Variants in FANCC observed in about 807,000 individuals in gnomAD.
The protein encoded by FANCC is Fanconi anemia group C protein.
Under a neutral mutation model 71.3 loss-of-function variants are expected in FANCC, and 55 were observed. That is an observed-to-expected ratio of 0.77 (90% confidence interval 0.62 to 0.97). FANCC has a LOEUF of 0.97. Ranked by LOEUF, FANCC falls within the 50% of genes least tolerant of loss-of-function variation. The pLI, the probability that FANCC is intolerant of heterozygous loss-of-function variation, is 0.00. For synonymous variants in FANCC, 275 were observed against 244.9 expected, an observed-to-expected ratio of 1.12 and a Z score of -1.15; for missense variants, 678 against 670.9, an observed-to-expected ratio of 1.01 and a Z score of -0.12.
chr9:95,107,673 C>A (rs1588032077), intron 13 of FANCC, among the ~76,000 whole-genome samples: 1 of 152,172 alleles, frequency 6.6e-6, no homozygotes, highest in African/African-American at 2.4e-5. Flanking sequence ...AGCCAGTGTT[C>A]CCATACGAAT....
chr9:95,234,330 T>C lies in FANCC; in HGVS notation c.345+6319A>G, dbSNP rs569617496. Among the ~76,000 whole-genome samples, 14 of 152,362 alleles carry C rather than the reference T, an allele frequency of 9.2e-5. No homozygotes were observed. In the East Asian group the frequency reaches 2.7e-3, roughly 29 times the overall value. On this transcript the variant is annotated intron_variant, in intron 4 of 14. Coordinates refer to ENST00000289081, the MANE Select transcript of FANCC (RefSeq NM_000136.3). ...CAAAAATTTATGCCGTGCCAGGTAC[T>C]GTTCAATTTGCTAATAGTAAACAAA... is the stretch of plus-strand genomic sequence containing the variant.
intron 12 of FANCC, 109 bp from the exon 13 acceptor site, chr9:95,111,746 C>T: frequency 8.1e-7 from 1 of 1,229,078 alleles, no homozygotes; most frequent in Non-Finnish European, 1.2e-6. Context: ...TGTACTTATC[C>T]ACTGAAGTGC....
intron 4 of FANCC, 127 bp downstream of exon 4, chr9:95,240,522 G>T: frequency 1.5e-6 from 1 of 676,030 alleles, no homozygotes; most frequent in Admixed American, 2.5e-5. Flanking sequence ...ACAGTGAAGG[G>T]TATGTTTGAA....
Position 95,226,540 on chromosome 9 carries a change from G to A in FANCC, c.345+14109C>T, listed in dbSNP as rs375421063. ...CAGACAGGAGTGAGGGCAGCTGCTG[G>A]GATGCGCTGTCTCCTGCTCCTCCCT... On this transcript the variant is annotated intron_variant, in intron 4 of 14. Transcript: ENST00000289081. Among the ~76,000 whole-genome samples, 5 of 152,266 alleles carry A rather than the reference G, an allele frequency of 3.3e-5. No individual in the cohort carries two copies. The East Asian group carries it at 7.7e-4, about 24-fold the overall frequency.
chr9:95,311,559 A>T (rs981320113), intron 1 of FANCC, among the ~76,000 whole-genome samples: 7 of 151,594 alleles, frequency 4.6e-5, no homozygotes, highest in Admixed American at 3.9e-4. Context: ...TTATTTATTT[A>T]TTTTTTTCCC....
At chr9:95,125,521 G>T (rs1825841933) in intron 9 of FANCC, among the ~76,000 whole-genome samples, 1 of 152,128 alleles carries the variant, frequency 6.6e-6, no homozygotes, top group Admixed American at 6.5e-5. Flanking sequence ...TTCACAAGTG[G>T]AGACGAAGCT....
intron 1 of FANCC, chr9:95,292,783 C>T: frequency 1.3e-6 from 2 of 1,528,206 alleles, no homozygotes; most frequent in Non-Finnish European, 9.1e-7. Context: ...TCTCAGTTTT[C>T]TCTCGTAAAA....
chr9:95,143,285 G>T (rs1413045852), intron 7 of FANCC, among the ~76,000 whole-genome samples: 1 of 152,148 alleles, frequency 6.6e-6, no homozygotes, highest in Non-Finnish European at 1.5e-5. Flanking sequence ...CACCAATCTG[G>T]AAGCTATTTG....
chr9:95,305,558 AT>A (rs958528507), intron 1 of FANCC, among the ~76,000 whole-genome samples: 1 of 152,208 alleles, frequency 6.6e-6, no homozygotes, highest in Non-Finnish European at 1.5e-5. Flanking sequence ...AACAGCAACT[AT>A]TTTTAGCATC....
At chr9:95,302,129 T>C (rs1195665651) in intron 1 of FANCC, among the ~76,000 whole-genome samples, 1 of 151,410 alleles carries the variant, frequency 6.6e-6, no homozygotes, top group East Asian at 1.9e-4. Flanking sequence ...AAAGATCTTC[T>C]AAATCATTCA....
intron 12 of FANCC, chr9:95,113,987 CTGAG>C (rs1237305474): frequency 6.3e-6 from 1 of 158,580 alleles, no homozygotes; most frequent in Non-Finnish European, 1.4e-5. Flanking sequence ...ACTCAGGAGT[CTGAG>C]TGGGAGGATC....
chr9:95,243,347 T>C (rs2136065226), intron 3 of FANCC, among the ~76,000 whole-genome samples: 1 of 152,340 alleles, frequency 6.6e-6, no homozygotes, highest in East Asian at 1.9e-4. Flanking sequence ...TTATTATCTA[T>C]TTTGTCTCTT....
chr9:95,116,400 C>A (rs549002279), intron 11 of FANCC, among the ~76,000 whole-genome samples: 1 of 152,348 alleles, frequency 6.6e-6, no homozygotes, highest in East Asian at 1.9e-4. Context: ...TGGGCAAGAA[C>A]CTACATCTTC....
chr9:95,255,215 A>C (rs1311122203), intron 1 of FANCC, among the ~76,000 whole-genome samples: 1 of 152,184 alleles, frequency 6.6e-6, no homozygotes, highest in African/African-American at 2.4e-5. Context: ...GCTAAGGGAA[A>C]GACTGCCTCC....
At chr9:95,246,046 G>A (rs4647423) in intron 3 of FANCC, among the ~76,000 whole-genome samples, 1,678 of 152,284 alleles carry the variant, frequency 0.011, 27 homozygotes, top group African/African-American at 0.038. Flanking sequence ...CACTGTGTGT[G>A]TGCATATCCA....
chr9:95,278,269 C>T (rs1384238945), intron 1 of FANCC, among the ~76,000 whole-genome samples: 1 of 152,078 alleles, frequency 6.6e-6, no homozygotes, highest in Non-Finnish European at 1.5e-5. Flanking sequence ...TGCAGATGAT[C>T]CATAACTTAT....
At chr9:95,164,263 G>C (rs765544534) in intron 6 of FANCC, among the ~76,000 whole-genome samples, 1 of 152,148 alleles carries the variant, frequency 6.6e-6, no homozygotes, top group Non-Finnish European at 1.5e-5. Flanking sequence ...AGAATTTGGA[G>C]CATCTGTTGA....
At chr9:95,302,013 C>T (rs555873547) in intron 1 of FANCC, among the ~76,000 whole-genome samples, 8 of 136,204 alleles carry the variant, frequency 5.9e-5, no homozygotes, top group South Asian at 4.7e-4. Flanking sequence ...ACCCGGGAGG[C>T]GGAGTTTGCA....
At chr9:95,223,924 C>T (rs905990908) in intron 4 of FANCC, among the ~76,000 whole-genome samples, 6 of 152,180 alleles carry the variant, frequency 3.9e-5, no homozygotes, top group Non-Finnish European at 7.3e-5. Context: ...TGGTGGTGAG[C>T]CAAGATCGTG....
Sources: gnomAD v4.1 joint callset for allele counts (sites outside exome capture counted in the v4.1 genomes callset) on GRCh38, gnomAD v4.1.1 for gene constraint, MANE v1.5 for transcripts, NCBI Gene and HGNC (gene_info 2026-07-23, HGNC 2026-07-21) for gene names.